Variants in ZEB1 observed in about 807,000 individuals in gnomAD.
The protein encoded by ZEB1 is zinc finger E-box binding homeobox 1, also known as zinc finger E-box-binding homeobox 1.
Under a neutral mutation model 84.9 loss-of-function variants are expected in ZEB1, and 21 were observed. The observed-to-expected ratio is 0.25, with a 90% CI of 0.18 to 0.36. The LOEUF is 0.36. Among genes scored for constraint, ZEB1 ranks in the 10% least tolerant of loss-of-function variants. The probability of loss-of-function intolerance (pLI) is 1.00; values close to 1 mark genes in which losing one functional copy is unlikely to be tolerated. For synonymous variants in ZEB1, 420 were observed against 471.1 expected, an observed-to-expected ratio of 0.89 and a Z score of 1.41; for missense variants, 1,104 against 1,330.2, an observed-to-expected ratio of 0.83 and a Z score of 2.65.
At chr10:31,471,997 T>G (rs1481990758) in intron 2 of ZEB1, among the ~76,000 whole-genome samples, 2 of 142,748 alleles carry the variant, frequency 1.4e-5, no homozygotes, top group East Asian at 3.9e-4. Context: ...GAAATAAAGA[T>G]GTTCTTTGAA....
intron 1 of ZEB1, among the ~76,000 whole-genome samples, chr10:31,450,139 T>G (rs868377213): frequency 6.6e-6 from 1 of 152,232 alleles, no homozygotes; most frequent in Non-Finnish European, 1.5e-5. Flanking sequence ...TTGCATTGAA[T>G]TTATAGAAAA....
chr10:31,347,157 A>T (rs1353796810), intron 1 of ZEB1, among the ~76,000 whole-genome samples: 1 of 152,112 alleles, frequency 6.6e-6, no homozygotes, highest in Admixed American at 6.5e-5. Flanking sequence ...TTTCTTCCCT[A>T]TGAGGAAGAA....
intron 1 of ZEB1, among the ~76,000 whole-genome samples, chr10:31,408,341 T>G (rs1369745550): frequency 1.1e-4 from 16 of 151,294 alleles, no homozygotes; most frequent in Non-Finnish European, 2.2e-4. Flanking sequence ...ACAGATTCAA[T>G]GCCATCCCCA....
chr10:31,458,753 C>G (rs957341471), intron 1 of ZEB1, among the ~76,000 whole-genome samples: 6 of 151,878 alleles, frequency 4.0e-5, no homozygotes, highest in African/African-American at 2.4e-5. Flanking sequence ...TACATATTTA[C>G]AAGAAAAATT....
chr10:31,510,958 T>G, intron 5 of ZEB1, 83 bp downstream of exon 5: 1 of 1,346,688 alleles, frequency 7.4e-7, no homozygotes, highest in Non-Finnish European at 1.1e-6. Flanking sequence ...TTTAATATAT[T>G]TGAAAGTTAA....
intron 2 of ZEB1, among the ~76,000 whole-genome samples, chr10:31,489,695 T>G (rs2066242018): frequency 1.3e-5 from 2 of 151,456 alleles, no homozygotes; most frequent in Admixed American, 1.3e-4. Flanking sequence ...TTTCACAGTC[T>G]ATTTAGAATC....
intron 1 of ZEB1, among the ~76,000 whole-genome samples, chr10:31,394,294 C>T (rs750357511): frequency 5.6e-4 from 85 of 152,222 alleles, no homozygotes; most frequent in Admixed American, 9.8e-4. Context: ...TGACACTGTA[C>T]GGTGAAATAT....
chr10:31,464,530 G>T (rs1030070895), intron 2 of ZEB1, among the ~76,000 whole-genome samples: 3 of 152,032 alleles, frequency 2.0e-5, no homozygotes, highest in Non-Finnish European at 4.4e-5. Flanking sequence ...AAGCCCAAAT[G>T]GACATTCAGA....
intron 1 of ZEB1, among the ~76,000 whole-genome samples, chr10:31,442,151 A>G (rs571405875): frequency 7.9e-5 from 12 of 152,324 alleles, no homozygotes; most frequent in East Asian, 1.9e-4. Context: ...AAGACTTGGA[A>G]CCAACCCAAA....
chr10:31,339,898 G>A (rs1156431629), intron 1 of ZEB1, among the ~76,000 whole-genome samples: 1 of 151,962 alleles, frequency 6.6e-6, no homozygotes, highest in Non-Finnish European at 1.5e-5. Context: ...TCTCTTATTT[G>A]TTTTGCTTCA....
At position 31,514,591 on chromosome 10, in the gene ZEB1, C is replaced by A. The variant is rs778408434; in HGVS notation, c.688-12C>A. 1.2e-6 allele frequency: 2 copies of A among 1,609,286 alleles called. No homozygotes were observed. Among genetic ancestry groups the A allele is most frequent in the Non-Finnish European group, 1.7e-6 (2 of 1,176,388 alleles). On this transcript the variant is annotated splice_polypyrimidine_tract_variant and intron_variant, in intron 5 of 8. Transcript: ENST00000424869. ...TTGCTTTTCAAATAAAATACCAGTT[C>A]TTTTCTTACAGAGACATGTGACGCA...
At chr10:31,471,972 A>G (rs893230681) in intron 2 of ZEB1, among the ~76,000 whole-genome samples, 3 of 137,712 alleles carry the variant, frequency 2.2e-5, no homozygotes, top group Admixed American at 6.7e-5. Flanking sequence ...CTGGGTACCT[A>G]ACGAAATGAA....
chr10:31,426,693 C>G lies in ZEB1; in HGVS notation c.59-34344C>G, dbSNP rs540317396. ...AATCTAGTGCCAGATTGTATAGTGC[C>G]TTTACAACAGAAATCTCTAGTTTGA... On this transcript the variant is annotated intron_variant, in intron 1 of 8. Transcript: ENST00000424869. 2.0e-5 allele frequency among the ~76,000 whole-genome samples: 3 copies of G among 152,182 alleles called. No individual in the cohort carries two copies. The East Asian group carries it at 5.8e-4, about 29-fold the overall frequency.
chr10:31,434,439 T>C lies in ZEB1; in HGVS notation c.59-26598T>C, dbSNP rs372683423. Among the ~76,000 whole-genome samples the C allele has an allele frequency of 1.7e-3, 256 of 152,326 alleles. 9 individuals carry two copies. In the South Asian group the frequency reaches 0.051, roughly 30 times the overall value. On this transcript the variant is annotated intron_variant, in intron 1 of 8. Transcript: ENST00000424869. ...GTATAAAATACGAAGCTGAGACATA[T>C]CTTCAGATGCTTAACCAGGCTTAAA... is the stretch of plus-strand genomic sequence containing the variant.
intron 2 of ZEB1, among the ~76,000 whole-genome samples, chr10:31,466,738 A>C (rs1277296924): frequency 6.6e-6 from 1 of 152,212 alleles, no homozygotes; most frequent in African/African-American, 2.4e-5. Context: ...AAGTTAGAAG[A>C]AGGAATGAAA....
At chr10:31,469,872 G>C (rs188770044) in intron 2 of ZEB1, among the ~76,000 whole-genome samples, 4 of 152,176 alleles carry the variant, frequency 2.6e-5, no homozygotes, top group Admixed American at 2.0e-4. Context: ...ATCTGAGAAC[G>C]GGTAGACTGC....
intron 1 of ZEB1, among the ~76,000 whole-genome samples, chr10:31,343,510 A>G (rs919150089): frequency 1.3e-5 from 2 of 152,128 alleles, no homozygotes; most frequent in African/African-American, 4.8e-5. Context: ...CATTTAAAGT[A>G]CGGCCTTTGA....
chr10:31,393,522 T>C (rs2050166260), intron 1 of ZEB1, among the ~76,000 whole-genome samples: 1 of 148,918 alleles, frequency 6.7e-6, no homozygotes, highest in South Asian at 2.1e-4. Flanking sequence ...ATAGTTTTTT[T>C]CAAAAAAGTT....
At chr10:31,458,104 A>G (rs1591495351) in intron 1 of ZEB1, among the ~76,000 whole-genome samples, 1 of 152,224 alleles carries the variant, frequency 6.6e-6, no homozygotes, top group Non-Finnish European at 1.5e-5. Flanking sequence ...AGAGCCTTGC[A>G]GTGAGCCAGA....
Sources: gnomAD v4.1 joint callset for allele counts (sites outside exome capture counted in the v4.1 genomes callset) on GRCh38, gnomAD v4.1.1 for gene constraint, MANE v1.5 for transcripts, NCBI Gene and HGNC (gene_info 2026-07-23, HGNC 2026-07-21) for gene names.